The following LARP1 variants were observed in gnomAD, a reference collection of about 807,000 sequenced individuals.
LARP1 encodes the protein La ribonucleoprotein 1, translational regulator.
Under a neutral mutation model 122.7 loss-of-function variants are expected in LARP1, and 36 were observed. The observed-to-expected ratio is 0.29, with a 90% confidence interval of 0.22 to 0.39. The LOEUF (loss-of-function observed/expected upper bound fraction) is 0.39. Ranked by LOEUF, LARP1 falls within the 10% of genes least tolerant of loss-of-function variation. The pLI, the probability that LARP1 is intolerant of heterozygous loss-of-function variation, is 1.00. For synonymous variants in LARP1, 539 were observed against 528.7 expected (o/e 1.02, Z -0.27); for missense variants, 1,040 against 1,403.6 (o/e 0.74, Z 4.14).
Position 154,695,733 on chromosome 5 carries a change from C to A in LARP1, c.-180+12696C>A, listed in dbSNP as rs140166213. On this transcript the variant is annotated intron_variant, in intron 1 of 18. Coordinates refer to the LARP1 transcript ENST00000687700. ...ATTAAAAATACAAAAAGTAGCCAGG[C>A]GTGGTGACGCATACCTGTAATCCCA... Among the ~76,000 whole-genome samples the A allele has an allele frequency of 2.2e-3, 338 of 152,074 alleles. 3 individuals are homozygous for A. The highest frequency in any genetic ancestry group is 7.7e-3 in the African/African-American group (320 of 41,474).
At chr5:154,804,645 CCTA>C in intron 14 of LARP1, 1 of 404,226 alleles carries the variant, frequency 2.5e-6, no homozygotes, top group Non-Finnish European at 4.7e-6. Flanking sequence ...TCTCTCTGAG[CCTA>C]CTATGTCTTG....
At chr5:154,684,671 T>A (rs749834558) in intron 1 of LARP1, among the ~76,000 whole-genome samples, 4 of 152,114 alleles carry the variant, frequency 2.6e-5, no homozygotes, top group Non-Finnish European at 5.9e-5. Context: ...TCACAGTGGA[T>A]CCCAGCCTAC....
chr5:154,804,146 C>A (rs1274477146), intron 13 of LARP1, 55 bp from the exon 14 acceptor site: 4 of 1,280,174 alleles, frequency 3.1e-6, no homozygotes, highest in African/African-American at 2.9e-5. Context: ...GTGCTTGATG[C>A]TCCTCAGAGT....
chr5:154,729,941 A>T (rs186943152), intron 1 of LARP1, among the ~76,000 whole-genome samples: 1 of 152,316 alleles, frequency 6.6e-6, no homozygotes, highest in African/African-American at 2.4e-5. Flanking sequence ...AATCTGCATG[A>T]CTACAACTGC....
At chr5:154,705,792 T>C (rs566757837) in intron 1 of LARP1, 2 of 152,336 alleles carry the variant, frequency 1.3e-5, no homozygotes, top group East Asian at 3.9e-4. Context: ...GCTTATACAC[T>C]GTTGGTAGGA....
At chr5:154,775,952 A>G (rs183199264) in intron 1 of LARP1, among the ~76,000 whole-genome samples, 122 of 152,340 alleles carry the variant, frequency 8.0e-4, no homozygotes, top group African/African-American at 2.8e-3. Context: ...GCACGGCAGG[A>G]GGCCTGGCTT....
At chr5:154,810,472 ATGTGTT>A (rs1196693982) in intron 16 of LARP1, among the ~76,000 whole-genome samples, 2 of 151,154 alleles carry the variant, frequency 1.3e-5, no homozygotes, top group Non-Finnish European at 2.9e-5. Context: ...ATCTATTGGC[ATGTGTT>A]TGTTTTTGTT....
chr5:154,754,324 A>G (rs185949233), upstream of LARP1, among the ~76,000 whole-genome samples: 11 of 152,310 alleles, frequency 7.2e-5, no homozygotes, highest in African/African-American at 2.6e-4. Context: ...GAGGTCAGTA[A>G]GTATTGAATC....
chr5:154,723,068 G>A (rs1755980662), intron 1 of LARP1, among the ~76,000 whole-genome samples: 1 of 152,224 alleles, frequency 6.6e-6, no homozygotes, highest in Non-Finnish European at 1.5e-5. Context: ...CATACAGTGA[G>A]TTGAGGTAGA....
At chr5:154,790,284 A>T (rs368305192) in intron 1 of LARP1, 41 bp from the exon 2 acceptor site, 3 of 1,575,322 alleles carry the variant, frequency 1.9e-6, no homozygotes, top group East Asian at 2.2e-5. Context: ...GCCCCCTCAC[A>T]TGGGCTTTGC....
At chr5:154,756,422 C>G (rs1300496950) in intron 1 of LARP1, 1 of 994,878 alleles carries the variant, frequency 1.0e-6, no homozygotes, top group Non-Finnish European at 1.2e-6. Flanking sequence ...CGGCCACCGC[C>G]TGGGCCGCAG....
At chr5:154,753,907 C>T (rs1323359114), upstream of LARP1, among the ~76,000 whole-genome samples, 1 of 152,200 alleles carries the variant, frequency 6.6e-6, no homozygotes, top group Non-Finnish European at 1.5e-5. Context: ...GTCGTGTGCT[C>T]TAATTCTTGT....
chr5:154,794,386 A>G (rs1757583076), intron 7 of LARP1, 124 bp downstream of exon 7: 2 of 861,910 alleles, frequency 2.3e-6, no homozygotes, highest in Non-Finnish European at 1.8e-6. Context: ...CTGAAAAGAT[A>G]GCTTTTCTCA....
In LARP1 at chr5:154,808,716, C is replaced by T. The variant is rs1468732755; in HGVS notation, c.2843+113C>T. 5 of 1,069,106 alleles carry T rather than the reference C, an allele frequency of 4.7e-6. No individual in the cohort carries two copies. The Middle Eastern group carries it at 1.6e-3, about 333-fold the overall frequency. 66.2% of individuals were successfully genotyped at this position (1,069,106 alleles called of 1,614,324 possible). On this transcript the variant is annotated intron_variant, in intron 16 of 18. Coordinates refer to ENST00000518297, the MANE Select transcript of LARP1 (RefSeq NM_033551.3). ...AATTCCTTGCATGTGTATGTTCATT[C>T]ATATACTTGATGAAAAATTTGTTTT...
At chr5:154,740,414 G>C (rs6580114) in intron 1 of LARP1, among the ~76,000 whole-genome samples, 1 of 125,740 alleles carries the variant, frequency 8.0e-6, no homozygotes, top group African/African-American at 3.5e-5. Context: ...AAAAAAAAAA[G>C]ATTAAATTAC....
At chr5:154,788,731 G>T (rs2113758526) in intron 1 of LARP1, among the ~76,000 whole-genome samples, 1 of 150,092 alleles carries the variant, frequency 6.7e-6, no homozygotes, top group South Asian at 2.1e-4. Flanking sequence ...GGACCTACTA[G>T]AACAACTTCC....
intron 1 of LARP1, among the ~76,000 whole-genome samples, chr5:154,720,050 G>T (rs1176286413): frequency 6.6e-6 from 1 of 151,946 alleles, no homozygotes; most frequent in Non-Finnish European, 1.5e-5. Flanking sequence ...AATTAGCCAG[G>T]CGTGATGGCA....
chr5:154,684,404 C>G (rs1392239399), intron 1 of LARP1, among the ~76,000 whole-genome samples: 1 of 152,120 alleles, frequency 6.6e-6, no homozygotes, highest in African/African-American at 2.4e-5. Flanking sequence ...CCCCTATACT[C>G]TAGCCTGGGC....
intron 16 of LARP1, among the ~76,000 whole-genome samples, chr5:154,810,050 T>G (rs1456506116): frequency 6.6e-6 from 1 of 152,158 alleles, no homozygotes; most frequent in African/African-American, 2.4e-5. Flanking sequence ...TTGTATAGAT[T>G]TGCCATGATT....
Sources: gnomAD v4.1 joint callset for allele counts (sites outside exome capture counted in the v4.1 genomes callset) on GRCh38, gnomAD v4.1.1 for gene constraint, MANE v1.5 for transcripts, NCBI Gene and HGNC (gene_info 2026-07-23, HGNC 2026-07-21) for gene names.